Variants in CC2D2A observed in about 807,000 individuals in gnomAD.
The protein encoded by CC2D2A is coiled-coil and C2 domain containing 2A.
A neutral mutation model predicts 212.9 loss-of-function variants in CC2D2A; 155 were observed. That is an observed-to-expected ratio of 0.73 (90% CI 0.64 to 0.83). The LOEUF (loss-of-function observed/expected upper bound fraction) is 0.83. Among genes scored for constraint, CC2D2A ranks in the 40% least tolerant of loss-of-function variants. CC2D2A has a pLI of 0.00. For synonymous variants in CC2D2A, 667 were observed against 686.5 expected, an observed-to-expected ratio of 0.97 and a Z score of 0.44; for missense variants, 1,856 against 1,956.2, an observed-to-expected ratio of 0.95 and a Z score of 0.97.
At chr4:15,591,043 G>A (rs1474152749) in intron 33 of CC2D2A, among the ~76,000 whole-genome samples, 3 of 151,286 alleles carry the variant, frequency 2.0e-5, no homozygotes, top group Non-Finnish European at 4.4e-5. Context: ...TTGAATGATT[G>A]TTTTTATGTG....
At chr4:15,529,297 G>A (rs1482023841) in intron 13 of CC2D2A, among the ~76,000 whole-genome samples, 2 of 151,900 alleles carry the variant, frequency 1.3e-5, no homozygotes, top group Non-Finnish European at 2.9e-5. Flanking sequence ...AAGGAGGATC[G>A]CTTGAGCCCA....
chr4:15,512,888 G>A (rs143913846), intron 8 of CC2D2A, among the ~76,000 whole-genome samples: 2 of 151,414 alleles, frequency 1.3e-5, no homozygotes, highest in African/African-American at 2.4e-5. Context: ...AGAGGCAGAC[G>A]TTGCAGTGAG....
chr4:15,490,840 T>C (rs1715262862), intron 4 of CC2D2A, among the ~76,000 whole-genome samples: 1 of 151,756 alleles, frequency 6.6e-6, no homozygotes, highest in Non-Finnish European at 1.5e-5. Flanking sequence ...GTTATTTTCA[T>C]AAGAAAAGCA....
chr4:15,511,119 A>G (rs564773749), intron 7 of CC2D2A, 128 bp from the exon 8 acceptor site: 1 of 1,062,050 alleles, frequency 9.4e-7, no homozygotes, highest in South Asian at 1.8e-5. Context: ...CCTTTAACTA[A>G]GACAATATGC....
At chr4:15,557,840 T>C (rs34155734) in intron 21 of CC2D2A, among the ~76,000 whole-genome samples, 18,170 of 152,282 alleles carry the variant, frequency 0.12, 1,227 homozygotes, top group Non-Finnish European at 0.15. Flanking sequence ...TGGCTAATTA[T>C]TGAATGCCTT....
At chr4:15,557,591 TTTG>T in intron 21 of CC2D2A, 84 bp downstream of exon 21, 1 of 870,168 alleles carries the variant, frequency 1.1e-6, no homozygotes, top group East Asian at 2.8e-5. Flanking sequence ...GTATTTTGTT[TTTG>T]TTATGTTGTC....
Position 15,580,046 on chromosome 4 carries a change from C to T in CC2D2A, c.3850C>T (p.Arg1284Cys), listed in dbSNP as rs779823379. The change falls in exon 30 of 37, where the codon CGT becomes TGT. Residue 1284 changes from arginine to cysteine, a missense_variant. Transcript: ENST00000424120. The stretch of plus-strand genomic sequence containing the variant: ...TGAATGTGCCTTAAAGTTTCCAAAT[C>T]GTCAGTGCCTTACAACAGTAATTGA... ...QAECALKFPNRQCLTTVIDIS... is the reference protein window; with the variant it reads ...QAECALKFPNCQCLTTVIDIS... 36 of 1,613,816 alleles carry T rather than the reference C, an allele frequency of 2.2e-5. No individual in the cohort carries two copies. Among genetic ancestry groups the T allele is most frequent in the Non-Finnish European group, 3.1e-5 (36 of 1,179,860 alleles).
At chr4:15,580,827 A>G (rs1004683523) in intron 30 of CC2D2A, among the ~76,000 whole-genome samples, 1 of 152,194 alleles carries the variant, frequency 6.6e-6, no homozygotes, top group Admixed American at 6.5e-5. Flanking sequence ...TACACATTCA[A>G]CTGTACTAAG....
In CC2D2A at chr4:15,502,931, A is replaced by G; in HGVS notation, c.438+8A>G. 6.3e-7 allele frequency: 1 copy of G among 1,587,970 alleles called. No homozygotes were observed. The highest frequency in any genetic ancestry group is 8.6e-7 in the Non-Finnish European group (1 of 1,164,366). On this transcript the variant is annotated splice_region_variant and intron_variant, in intron 6 of 36. Coordinates refer to ENST00000424120, the MANE Select transcript of CC2D2A (RefSeq NM_001378615.1). ...ACTGAATTTGGCACAGAGGTGAGAA[A>G]TACCCTCTCTACTTTGTGATCAAAA... is the stretch of plus-strand genomic sequence containing the variant.
At chr4:15,599,959 G>A (rs1485282215) in intron 36 of CC2D2A, among the ~76,000 whole-genome samples, 2 of 152,074 alleles carry the variant, frequency 1.3e-5, no homozygotes, top group South Asian at 2.1e-4. Context: ...TCAAAAAAAT[G>A]AAAACATCTG....
At chr4:15,497,254 A>G (rs1376098449) in intron 4 of CC2D2A, among the ~76,000 whole-genome samples, 2 of 151,924 alleles carry the variant, frequency 1.3e-5, no homozygotes, top group Non-Finnish European at 2.9e-5. Context: ...CCAGAAATAC[A>G]TTTTTCCTCT....
rs1056569114 is a variant in CC2D2A, at chr4:15,525,232, CAAG to C, written c.1150-2211_1150-2209del. Among the ~76,000 whole-genome samples, 14 of 152,124 alleles carry C rather than the reference CAAG, an allele frequency of 9.2e-5. 1 individual carries two copies. Among genetic ancestry groups the C allele is most frequent in the African/African-American group, 3.4e-4 (14 of 41,418 alleles). Reference sequence around the variant, plus strand: ...CTCTACCCACGTTATTTACTCATACCAAGAAGCGTACAAGATGGAACCTGAGAG... The same window carrying C: ...CTCTACCCACGTTATTTACTCATACCAAGCGTACAAGATGGAACCTGAGAG... On this transcript the variant is annotated intron_variant, in intron 11 of 36. Coordinates refer to ENST00000424120, the MANE Select transcript of CC2D2A (RefSeq NM_001378615.1).
intron 32 of CC2D2A, among the ~76,000 whole-genome samples, chr4:15,588,822 C>T (rs866440366): frequency 4.0e-5 from 6 of 151,834 alleles, no homozygotes; most frequent in Non-Finnish European, 8.8e-5. Context: ...ATTTCTGCCC[C>T]GCCTTCCCCA....
intron 19 of CC2D2A, among the ~76,000 whole-genome samples, chr4:15,554,255 A>G (rs1719161484): frequency 6.6e-6 from 1 of 152,236 alleles, no homozygotes; most frequent in East Asian, 1.9e-4. Flanking sequence ...AATAGAAGGT[A>G]AAACACAATG....
intron 4 of CC2D2A, among the ~76,000 whole-genome samples, chr4:15,486,092 T>C (rs1714982868): frequency 2.0e-5 from 3 of 152,196 alleles, no homozygotes; most frequent in Admixed American, 6.5e-5. Context: ...TTTGCATCAG[T>C]GTGCATCAGA....
chr4:15,591,920 C>T (rs1032135977), intron 33 of CC2D2A, among the ~76,000 whole-genome samples: 1 of 152,222 alleles, frequency 6.6e-6, no homozygotes, highest in Non-Finnish European at 1.5e-5. Context: ...CTCCTCTTCT[C>T]TGAGATGGGT....
intron 17 of CC2D2A, among the ~76,000 whole-genome samples, chr4:15,545,675 G>C (rs539118696): frequency 6.6e-6 from 1 of 151,600 alleles, no homozygotes; most frequent in African/African-American, 2.4e-5. Flanking sequence ...CAGAAAGCCA[G>C]GAGTGAGGGG....
chr4:15,479,823 G>A (rs529734527), intron 3 of CC2D2A, among the ~76,000 whole-genome samples: 124 of 152,336 alleles, frequency 8.1e-4, no homozygotes, highest in Non-Finnish European at 1.6e-3. Context: ...CAGGCACAGT[G>A]AGCAAGTGGG....
chr4:15,541,434 T>TA (rs1464436264), intron 17 of CC2D2A, among the ~76,000 whole-genome samples: 1 of 152,170 alleles, frequency 6.6e-6, no homozygotes, highest in East Asian at 1.9e-4. Flanking sequence ...TATGTCTCGA[T>TA]AGAGTCTCAA....
Sources: gnomAD v4.1 joint callset for allele counts (sites outside exome capture counted in the v4.1 genomes callset) on GRCh38, gnomAD v4.1.1 for gene constraint, MANE v1.5 for transcripts, NCBI Gene and HGNC (gene_info 2026-07-23, HGNC 2026-07-21) for gene names.